PDE3A: variants seen among roughly 807,000 people sequenced by gnomAD.
The protein encoded by PDE3A is cGMP-inhibited 3',5'-cyclic phosphodiesterase 3A.
PDE3A carries 43 observed loss-of-function variants against 98.3 expected under a neutral mutation model. The ratio of observed to expected loss-of-function variants is 0.44; its 90% CI spans 0.34 to 0.56. The LOEUF (loss-of-function observed/expected upper bound fraction) is 0.56. PDE3A is among the 20% of genes least tolerant of loss of function. The probability of loss-of-function intolerance (pLI) is 0.01; values close to 1 mark genes in which losing one functional copy is unlikely to be tolerated. For synonymous variants in PDE3A, 663 were observed against 567.9 expected (o/e 1.17, Z -2.38); for missense variants, 1,427 against 1,440.7 (o/e 0.99, Z 0.15).
intron 5 of PDE3A, among the ~76,000 whole-genome samples, chr12:20,629,493 C>T (rs981808013): frequency 6.6e-6 from 1 of 152,122 alleles, no homozygotes. Flanking sequence ...TACTGGTTAA[C>T]GTTTAAAACA....
chr12:20,383,871 C>T (rs1943701914), intron 1 of PDE3A, among the ~76,000 whole-genome samples: 1 of 151,908 alleles, frequency 6.6e-6, no homozygotes, highest in South Asian at 2.1e-4. Flanking sequence ...AGGATGTTAC[C>T]AGCCTTATGT....
intron 1 of PDE3A, among the ~76,000 whole-genome samples, chr12:20,548,739 T>A (rs1942123648): frequency 6.6e-6 from 1 of 152,162 alleles, no homozygotes; most frequent in South Asian, 2.1e-4. Context: ...AGTTTCTATT[T>A]CTTTTCCTCA....
At chr12:20,514,337 T>TA (rs2121127045) in intron 1 of PDE3A, among the ~76,000 whole-genome samples, 1 of 152,354 alleles carries the variant, frequency 6.6e-6, no homozygotes, top group South Asian at 2.1e-4. Context: ...GTCTTCTTTT[T>TA]ATAAACTGTA....
intron 5 of PDE3A, among the ~76,000 whole-genome samples, chr12:20,628,643 A>C (rs1592128059): frequency 1.3e-5 from 2 of 152,124 alleles, no homozygotes; most frequent in Admixed American, 1.3e-4. Flanking sequence ...CTGATTAGGA[A>C]CTAACAATAG....
chr12:20,663,981 T>C (rs1276759929), intron 15 of PDE3A, among the ~76,000 whole-genome samples: 1 of 152,092 alleles, frequency 6.6e-6, no homozygotes. Context: ...TGGGAGGTAA[T>C]TGAATCATGG....
At chr12:20,459,996 T>C (rs1945219631) in intron 1 of PDE3A, among the ~76,000 whole-genome samples, 1 of 152,220 alleles carries the variant, frequency 6.6e-6, no homozygotes, top group African/African-American at 2.4e-5. Flanking sequence ...CATTGTGCCA[T>C]TGTGGCATAG....
chr12:20,506,290 A>G (rs1342456837), intron 1 of PDE3A, among the ~76,000 whole-genome samples: 4 of 152,070 alleles, frequency 2.6e-5, no homozygotes, highest in Non-Finnish European at 5.9e-5. Flanking sequence ...TATACTATAC[A>G]TTTAAAAAAC....
In PDE3A at chr12:20,576,078, C is replaced by T. The variant is rs548986260; in HGVS notation, c.1011+19368C>T. On this transcript the variant is annotated intron_variant, in intron 2 of 15. Transcript: ENST00000359062. Reference sequence around the variant, plus strand: ...AATATTTTGATATAGGTATGCAATTCGTAACAGGCACATTATGGAAAATGA... The same window carrying T: ...AATATTTTGATATAGGTATGCAATTTGTAACAGGCACATTATGGAAAATGA... Among the ~76,000 whole-genome samples the T allele has an allele frequency of 7.2e-5, 11 of 151,932 alleles. No individual in the cohort carries two copies. In the South Asian group the frequency reaches 2.1e-3, roughly 29 times the overall value.
chr12:20,425,635 A>T (rs1944590503), intron 1 of PDE3A, among the ~76,000 whole-genome samples: 1 of 152,214 alleles, frequency 6.6e-6, no homozygotes, highest in African/African-American at 2.4e-5. Context: ...GATTGAATAT[A>T]AACTCATTCT....
In PDE3A at chr12:20,420,939, C is replaced by T. The variant is rs573581643; in HGVS notation, c.960+50695C>T. On this transcript the variant is annotated intron_variant, in intron 1 of 15. Coordinates refer to ENST00000359062, the MANE Select transcript of PDE3A (RefSeq NM_000921.5). ...TAAGAATAGGGGAAGGACAGGTATA[C>T]GAGTGTTGGACTTGTTCCATATTGT... 2.6e-5 allele frequency among the ~76,000 whole-genome samples: 4 copies of T among 152,164 alleles called. No individual in the cohort carries two copies. In the South Asian group the frequency reaches 8.3e-4, roughly 32 times the overall value.
intron 1 of PDE3A, chr12:20,450,117 C>A: frequency 2.2e-6 from 1 of 458,332 alleles, no homozygotes; most frequent in South Asian, 3.4e-5. Flanking sequence ...GCTCCTTTCC[C>A]AGAATGCATC....
At chr12:20,443,052 C>A (rs891115497) in intron 1 of PDE3A, among the ~76,000 whole-genome samples, 2 of 150,298 alleles carry the variant, frequency 1.3e-5, no homozygotes, top group Non-Finnish European at 3.0e-5. Flanking sequence ...CAAAATTCTA[C>A]AATGAAATGC....
At chr12:20,431,833 G>T (rs10841519) in intron 1 of PDE3A, among the ~76,000 whole-genome samples, 1 of 151,990 alleles carries the variant, frequency 6.6e-6, no homozygotes, top group African/African-American at 2.4e-5. Context: ...AAAGAAAATA[G>T]GTTCATTTAA....
At chr12:20,508,183 T>G (rs1198550371) in intron 1 of PDE3A, among the ~76,000 whole-genome samples, 2 of 152,046 alleles carry the variant, frequency 1.3e-5, no homozygotes, top group African/African-American at 4.8e-5. Flanking sequence ...TTGTCCCCAG[T>G]TATCCCCATA....
intron 1 of PDE3A, among the ~76,000 whole-genome samples, chr12:20,398,411 C>A (rs1183541919): frequency 6.6e-6 from 1 of 150,924 alleles, no homozygotes; most frequent in Non-Finnish European, 1.5e-5. Flanking sequence ...TCATTCAAAT[C>A]CATTTCCAAA....
At chr12:20,557,518 T>C (rs1457970642) in intron 2 of PDE3A, among the ~76,000 whole-genome samples, 2 of 152,172 alleles carry the variant, frequency 1.3e-5, no homozygotes, top group Non-Finnish European at 2.9e-5. Context: ...ATTTTGCATT[T>C]GCTACTAAAA....
intron 1 of PDE3A, among the ~76,000 whole-genome samples, chr12:20,429,520 A>C (rs1591922819): frequency 6.6e-6 from 1 of 152,280 alleles, no homozygotes; most frequent in Admixed American, 6.5e-5. Flanking sequence ...GTGTTTCTGA[A>C]GCTCTGTGAC....
In PDE3A at chr12:20,681,894, A is replaced by G. The variant is rs1199984098; in HGVS notation, c.*1623A>G. The G allele has an allele frequency of 1.3e-5, 2 of 152,188 alleles. No individual in the cohort carries two copies. The highest frequency in any genetic ancestry group is 1.3e-4 in the Admixed American group (2 of 15,282). The allele number at this position is 152,188 out of a possible 1,614,324, so 9.4% of individuals were successfully genotyped here. A position where few individuals can be genotyped will look rare whatever the true frequency, so the allele number is the denominator to read the frequency against. ...TGAAGATTTTTTTGTTTCTGTAGAT[A>G]GTAAACTCTTTTTTTAAAAAAGGAA... On this transcript the variant is annotated 3_prime_UTR_variant, in exon 16 of 16. Transcript: ENST00000359062.
At chr12:20,626,326 T>C (rs560207649) in intron 5 of PDE3A, among the ~76,000 whole-genome samples, 2 of 151,968 alleles carry the variant, frequency 1.3e-5, no homozygotes, top group Non-Finnish European at 2.9e-5. Context: ...CTTTCTGTTT[T>C]TAAACTTTAA....
Sources: gnomAD v4.1 joint callset for allele counts (sites outside exome capture counted in the v4.1 genomes callset) on GRCh38, gnomAD v4.1.1 for gene constraint, MANE v1.5 for transcripts, NCBI Gene and HGNC (gene_info 2026-07-23, HGNC 2026-07-21) for gene names.